Variants in MINDY1 observed in about 807,000 individuals in gnomAD.
MINDY1 encodes the protein ubiquitin carboxyl-terminal hydrolase MINDY-1.
A neutral mutation model predicts 53.6 loss-of-function variants in MINDY1; 50 were observed. That is an observed-to-expected ratio of 0.93 (90% CI 0.74 to 1.18). MINDY1 has a LOEUF of 1.18. MINDY1 is among the 50% of genes most tolerant of loss of function. MINDY1 has a pLI of 0.00. For missense variants in MINDY1, 484 were observed against 578.6 expected, an observed-to-expected ratio of 0.84 and a Z score of 1.68; for synonymous variants, 231 against 234.7, an observed-to-expected ratio of 0.98 and a Z score of 0.14.
chr1:150,998,602 C>T (rs191441162), intron 7 of MINDY1, among the ~76,000 whole-genome samples: 53 of 152,252 alleles, frequency 3.5e-4, no homozygotes, highest in African/African-American at 1.2e-3. Flanking sequence ...ATGATCTGCC[C>T]GCCTCGGCCT....
In MINDY1 at chr1:151,006,079, A is replaced by G. The variant is rs1673165250; in HGVS notation, c.-90+233T>C. On this transcript the variant is annotated intron_variant, in intron 1 of 9. Transcript: ENST00000683666. ...CTCAGAATATGTCAACCATGGCCAC[A>G]GTGCCCTGTATACTTGCTCACAAGG... 2.6e-6 allele frequency: 4 copies of G among 1,551,288 alleles called. No homozygotes were observed. In the South Asian group the frequency reaches 4.8e-5, roughly 18 times the overall value.
In MINDY1 at chr1:150,997,345, C is replaced by T. The variant is rs1233555411; in HGVS notation, c.1352G>A (p.Arg451His). 9.4e-6 allele frequency: 15 copies of T among 1,602,022 alleles called. No individual in the cohort carries two copies. The East Asian group carries it at 2.3e-4, about 24-fold the overall frequency. The part of the protein sequence containing the change: ...SLQGRGATSG[R>H]PAGERRQRPK... ...CCTCTGCCGACGCTCCCCGGCTGGG[C>T]GTCCAGATGTGGCTCCTCTCCCCTG... The change falls in exon 10 of 10, where the codon CGC becomes CAC. Residue 451 changes from arginine to histidine, a missense_variant. Transcript: ENST00000683666.
In MINDY1 at chr1:151,002,313, T is replaced by G. The variant is rs751444623; in HGVS notation, c.305A>C (p.Gln102Pro). The part of the protein sequence containing the change: ...RACSMPQELP[Q>P]SPRTRQPEPD... ...CTCAGGCTGTCGGGTCCTGGGGGAC[T>G]GAGGAAGCTCCTGGGGCATGGAGCA... Residue 102 changes from glutamine to proline, a missense_variant, in exon 2 of 10, where the codon CAG becomes CCG. By Grantham distance (76) the Gln-to-Pro change is moderately conservative. Coordinates refer to ENST00000683666, the MANE Select transcript of MINDY1 (RefSeq NM_001376665.1). This position sits in a 1 kb window ranked among gnomAD's most constrained non-coding sequence, Gnocchi z 4.1. 6.2e-6 allele frequency: 10 copies of G among 1,614,196 alleles called. 1 individual carries two copies. In the South Asian group the frequency reaches 1.1e-4, roughly 18 times the overall value.
chr1:151,001,702 C>G, intron 3 of MINDY1, 23 bp downstream of exon 3: 1 of 1,610,244 alleles, frequency 6.2e-7, no homozygotes, highest in Non-Finnish European at 8.5e-7. Flanking sequence ...TGGGTAATTC[C>G]TCTTCAACGC....
rs914087464 is a variant in MINDY1, at chr1:151,002,518, G to A, written c.100C>T (p.His34Tyr). Residue 34 changes from histidine (H) to tyrosine (Y), a missense_variant, in exon 2 of 10, where the codon CAC (histidine) becomes TAC (tyrosine). Physicochemically the swap from His to Tyr is moderately conservative, Grantham distance 83. Coordinates refer to ENST00000683666, the MANE Select transcript of MINDY1 (RefSeq NM_001376665.1). This position sits in a 1 kb window ranked among gnomAD's most constrained non-coding sequence, Gnocchi z 4.1. ...TCTCTTGCATCTGTGTCCTGAGGGTGCTCATCTGGGCCTGCCAGAACCTCA... is the reference window on the plus strand; with the variant it reads ...TCTCTTGCATCTGTGTCCTGAGGGTACTCATCTGGGCCTGCCAGAACCTCA... ...NHEVLAGPDE[H>Y]PQDTDARDAD... is the part of the protein sequence containing the mutation. The A allele has an allele frequency of 3.1e-6, 5 of 1,614,212 alleles. No homozygotes were observed. The highest frequency in any genetic ancestry group is 4.2e-6 in the Non-Finnish European group (5 of 1,180,038).
chr1:151,007,936 G>A (rs1466968471), upstream of MINDY1, among the ~76,000 whole-genome samples: 1 of 152,158 alleles, frequency 6.6e-6, no homozygotes, highest in Non-Finnish European at 1.5e-5. Context: ...GATATTTGCC[G>A]AGGCTGTAGA....
chr1:151,008,173 G>A (rs1342380483), upstream of MINDY1: 3 of 951,852 alleles, frequency 3.2e-6, no homozygotes, highest in African/African-American at 3.6e-5. Context: ...TGTGATATAT[G>A]TAAAGATGTT....
Position 151,002,285 on chromosome 1 carries a change from T to C in MINDY1, c.333A>G (p.Pro111=). ...PQSPRTRQPE[P]DFYCVKWIPW... Reference sequence around the variant, plus strand: ...GGATCCACTTGACACAGTAGAAATCTGGCTCAGGCTGTCGGGTCCTGGGGG... The same window carrying C: ...GGATCCACTTGACACAGTAGAAATCCGGCTCAGGCTGTCGGGTCCTGGGGG... The change falls in exon 2 of 10, where the codon CCA becomes CCG. Residue 111 remains proline, a synonymous_variant. Transcript: ENST00000683666. This position sits in a 1 kb window ranked among gnomAD's most constrained non-coding sequence, Gnocchi z 4.1. 5 of 1,614,230 alleles carry C rather than the reference T, an allele frequency of 3.1e-6. No homozygotes were observed. Among genetic ancestry groups the C allele is most frequent in the Non-Finnish European group, 4.2e-6 (5 of 1,180,046 alleles).
At position 150,999,241 on chromosome 1, in the gene MINDY1, G is replaced by C; in HGVS notation, c.981+128C>G. On this transcript the variant is annotated intron_variant, in intron 7 of 9. Transcript: ENST00000683666. The surrounding 1 kb of genome is among the most constrained non-coding windows in gnomAD (Gnocchi z 4.4). ...GAGCGGGAAATGAACCTTTGTTGTG[G>C]TAAACCACAGGGATTTGAGGGGTCA... is the stretch of plus-strand genomic sequence containing the variant. The C allele has an allele frequency of 7.3e-7, 1 of 1,361,562 alleles. No individual in the cohort carries two copies. Among genetic ancestry groups the C allele is most frequent in the Non-Finnish European group, 1.0e-6 (1 of 981,170 alleles). 84.3% of individuals were successfully genotyped at this position (1,361,562 alleles called of 1,614,324 possible). A position where few individuals can be genotyped will look rare whatever the true frequency, so the allele number is the denominator to read the frequency against.
rs746474993 is a variant in MINDY1 at position 151,000,487 on chromosome 1, A to AG, written c.704dup (p.Leu236SerfsTer8). 3 of 1,613,208 alleles carry AG rather than the reference A, an allele frequency of 1.9e-6. No individual in the cohort carries two copies. The highest frequency in any genetic ancestry group is 2.5e-6 in the Non-Finnish European group (3 of 1,179,656). ...GATCAACAAGCCAGCCATGGTACAG[A>AG]GGTATGCCTAGCAGGTCAAAGACAC... On this transcript the variant is annotated frameshift_variant, in exon 5 of 10. Coordinates refer to ENST00000683666, the MANE Select transcript of MINDY1 (RefSeq NM_001376665.1). LOFTEE classifies it high-confidence loss of function.
intron 1 of MINDY1, chr1:151,003,086 A>G (rs1324164313): frequency 7.3e-6 from 4 of 546,098 alleles, no homozygotes; most frequent in Non-Finnish European, 7.3e-6. Context: ...GGTTATTAAT[A>G]TGATGATCTT....
In MINDY1 at chr1:151,001,786, G is replaced by A. The variant is rs1405097217; in HGVS notation, c.454-4C>T. ...CCTTCTGCGGGGGGAGCTTCACCTG[G>A]AGGCAGAAGGGGTGATCACGTGTGT... On this transcript the variant is annotated splice_region_variant and splice_polypyrimidine_tract_variant and intron_variant, in intron 2 of 9. Transcript: ENST00000683666. The A allele has an allele frequency of 6.3e-7, 1 of 1,596,082 alleles. No homozygotes were observed. Among genetic ancestry groups the A allele is most frequent in the Non-Finnish European group, 8.5e-7 (1 of 1,174,598 alleles).
At position 151,002,505 on chromosome 1, in the gene MINDY1, G is replaced by A. The variant is rs772982446; in HGVS notation, c.113C>T (p.Thr38Ile). ...CTCCCCATCAGCATCTCTTGCATCT[G>A]TGTCCTGAGGGTGCTCATCTGGGCC... Reference protein sequence around the residue: ...LAGPDEHPQDTDARDADGEAR... With the variant: ...LAGPDEHPQDIDARDADGEAR... Residue 38 changes from threonine to isoleucine, a missense_variant, in exon 2 of 10, where the codon ACA becomes ATA. Thr to Ile is a moderately conservative substitution (Grantham distance 89). Transcript: ENST00000683666. This position sits in a 1 kb window ranked among gnomAD's most constrained non-coding sequence, Gnocchi z 4.1. The A allele has an allele frequency of 1.2e-6, 2 of 1,614,206 alleles. No individual in the cohort carries two copies. The highest frequency in any genetic ancestry group is 3.3e-4 in the Middle Eastern group (2 of 6,062).
At position 151,006,738 on chromosome 1, in the gene MINDY1, G is replaced by C; in HGVS notation, c.-516C>G. On this transcript the variant is annotated 5_prime_UTR_variant, in exon 1 of 10. Coordinates refer to ENST00000683666, the MANE Select transcript of MINDY1 (RefSeq NM_001376665.1). The stretch of plus-strand genomic sequence containing the variant: ...TTAGGCAAGGACAAGCTCCCTGGAG[G>C]AGGAGGGGCCTGCCCAGCGCTGGTG... 1.0e-6 allele frequency: 1 copy of C among 985,618 alleles called. No individual in the cohort carries two copies. Among genetic ancestry groups the C allele is most frequent in the Non-Finnish European group, 1.2e-6 (1 of 830,066 alleles). 61.1% of individuals were successfully genotyped at this position (985,618 alleles called of 1,614,324 possible). A position where few individuals can be genotyped will look rare whatever the true frequency, so the allele number is the denominator to read the frequency against.
rs769655705 is a variant in MINDY1, at chr1:150,997,708, C to G, written c.1245G>C (p.Leu415=). Residue 415 remains leucine, a synonymous_variant, in exon 9 of 10, where the codon CTG becomes CTC. Coordinates refer to ENST00000683666, the MANE Select transcript of MINDY1 (RefSeq NM_001376665.1). ...RGPLGLTDLE[L]AQQLQQEEYQ... ...ACTCCTCTTGCTGAAGCTGCTGGGC[C>G]AGCTCCAAGTCGGTAAGCCCCAGCG... 9.3e-6 allele frequency: 15 copies of G among 1,613,750 alleles called. No homozygotes were observed. The highest frequency in any genetic ancestry group is 3.3e-4 in the Middle Eastern group (2 of 6,082).
intron 1 of MINDY1, among the ~76,000 whole-genome samples, chr1:151,005,223 G>C (rs993464842): frequency 6.6e-6 from 1 of 151,942 alleles, no homozygotes; most frequent in South Asian, 2.1e-4. Context: ...AGGCCGAGGC[G>C]GGCGGATCAC....
In MINDY1 at chr1:151,002,038, C is replaced by T; in HGVS notation, c.453+127G>A. The T allele has an allele frequency of 2.0e-6, 2 of 1,006,952 alleles. No individual in the cohort carries two copies. Among genetic ancestry groups the T allele is most frequent in the South Asian group, 1.7e-5 (1 of 59,050 alleles). 62.4% of individuals were successfully genotyped at this position (1,006,952 alleles called of 1,614,324 possible). A position where few individuals can be genotyped will look rare whatever the true frequency, so the allele number is the denominator to read the frequency against. On this transcript the variant is annotated intron_variant, in intron 2 of 9. Coordinates refer to ENST00000683666, the MANE Select transcript of MINDY1 (RefSeq NM_001376665.1). This position sits in a 1 kb window ranked among gnomAD's most constrained non-coding sequence, Gnocchi z 4.1. ...GAACATCTTATCTCATTTGCTCAAG[C>T]TGGAGAAATAGGGAGAACAATCTGA...
intron 1 of MINDY1, among the ~76,000 whole-genome samples, chr1:151,003,841 T>C (rs1672836446): frequency 6.6e-6 from 1 of 152,242 alleles, no homozygotes; most frequent in Admixed American, 6.5e-5. Context: ...AAAATGCTGA[T>C]TATTAATTTA....
At chr1:150,997,529 AC>A (rs1353395541) in intron 9 of MINDY1, 94 bp downstream of exon 9, 7 of 1,592,018 alleles carry the variant, frequency 4.4e-6, no homozygotes, top group Non-Finnish European at 6.0e-6. Context: ...GAGAGAAGAA[AC>A]CTTGAAGAGA....
Sources: allele counts gnomAD v4.1 joint callset (sites outside exome capture counted in the v4.1 genomes callset), GRCh38; gene constraint gnomAD v4.1.1; non-coding constraint Gnocchi (gnomAD v3.1); transcripts MANE v1.5; gene names NCBI Gene and HGNC (gene_info 2026-07-23, HGNC 2026-07-21).